FAM78B: variants seen among roughly 807,000 people sequenced by gnomAD.
The protein encoded by FAM78B is family with sequence similarity 78 member B, also known as protein FAM78B.
FAM78B carries 10 observed loss-of-function variants against 20.0 expected under a neutral mutation model. That is an observed-to-expected ratio of 0.50 (90% CI 0.31 to 0.85). The LOEUF (loss-of-function observed/expected upper bound fraction) is 0.85. FAM78B is among the 40% of genes least tolerant of loss of function. The probability of loss-of-function intolerance (pLI) is 0.05; values close to 1 mark genes in which losing one functional copy is unlikely to be tolerated. For missense variants in FAM78B, 283 were observed against 345.0 expected, an observed-to-expected ratio of 0.82 and a Z score of 1.42; for synonymous variants, 135 against 132.8, an observed-to-expected ratio of 1.02 and a Z score of -0.12.
Position 166,166,071 on chromosome 1 carries a change from TG to T in FAM78B, c.177del (p.Ile60SerfsTer37). The T allele has an allele frequency of 6.2e-7, 1 of 1,613,416 alleles. No homozygotes were observed. Among genetic ancestry groups the T allele is most frequent in the Non-Finnish European group, 8.5e-7 (1 of 1,179,860 alleles). On this transcript the variant is annotated frameshift_variant, in exon 1 of 2. Transcript: ENST00000354422. LOFTEE classifies it high-confidence loss of function. ...FKASARVVMP[P>X]IPRHETWVVG... is the part of the protein sequence containing the mutation. The stretch of plus-strand genomic sequence containing the variant: ...ACCACCCAGGTCTCGTGGCGGGGGA[TG>T]GGGGGCATGACCACGCGGGCGGAGG...
intron 1 of FAM78B, among the ~76,000 whole-genome samples, chr1:166,151,086 AGAG>A (rs1158240794): frequency 1.3e-5 from 2 of 152,230 alleles, no homozygotes; most frequent in Non-Finnish European, 2.9e-5. Flanking sequence ...GCTGGGTTAT[AGAG>A]GATGGCATCA....
At chr1:166,079,000 T>C (rs1026627806) in intron 1 of FAM78B, among the ~76,000 whole-genome samples, 1 of 149,186 alleles carries the variant, frequency 6.7e-6, no homozygotes, top group Non-Finnish European at 1.5e-5. Flanking sequence ...GGCACAATCA[T>C]AGCTCACTGC....
At chr1:166,087,880 A>G (rs1416169935) in intron 1 of FAM78B, among the ~76,000 whole-genome samples, 3 of 152,230 alleles carry the variant, frequency 2.0e-5, no homozygotes, top group Admixed American at 1.3e-4. Context: ...ACTAGCAGGC[A>G]TAAGCCGTAA....
intron 1 of FAM78B, among the ~76,000 whole-genome samples, chr1:166,114,072 T>C (rs1019700845): frequency 6.6e-6 from 1 of 152,216 alleles, no homozygotes; most frequent in African/African-American, 2.4e-5. Context: ...ATAAATCACA[T>C]AGACACCAAT....
At chr1:166,114,477 C>A (rs746343126) in intron 1 of FAM78B, among the ~76,000 whole-genome samples, 2 of 152,236 alleles carry the variant, frequency 1.3e-5, no homozygotes, top group Non-Finnish European at 2.9e-5. Context: ...GAATACTACA[C>A]TTCCCCCCAG....
chr1:166,060,527 G>A, exon 3 of FAM78B: 1 of 1,080,546 alleles, frequency 9.3e-7, no homozygotes, highest in East Asian at 5.9e-5. Flanking sequence ...GAGGTAGGCA[G>A]GATGGCACAC....
At chr1:166,146,558 C>A (rs1391694166) in intron 1 of FAM78B, among the ~76,000 whole-genome samples, 1 of 152,138 alleles carries the variant, frequency 6.6e-6, no homozygotes, top group Admixed American at 6.5e-5. Flanking sequence ...ACTCCAAGGT[C>A]AGAGCTCTAC....
chr1:166,069,562 GACGGA>G lies in FAM78B; in HGVS notation c.*674_*678del, dbSNP rs1557887223. 1 of 152,208 alleles carries G rather than the reference GACGGA, an allele frequency of 6.6e-6. No individual in the cohort carries two copies. Among genetic ancestry groups the G allele is most frequent in the Non-Finnish European group, 1.5e-5 (1 of 68,032 alleles). 9.4% of individuals were successfully genotyped at this position (152,208 alleles called of 1,614,324 possible). A position where few individuals can be genotyped will look rare whatever the true frequency, so the allele number is the denominator to read the frequency against. ...CAATCTTTTTGGAAAGAGGTGGGTA[GACGGA>G]ACTAATGAAGTGTTTCCGTTAGTTC... is the stretch of plus-strand genomic sequence containing the variant. On this transcript the variant is annotated 3_prime_UTR_variant, in exon 2 of 2. Coordinates refer to ENST00000354422, the MANE Select transcript of FAM78B (RefSeq NM_001017961.5).
In FAM78B at chr1:166,069,969, C is replaced by A; in HGVS notation, c.*272G>T. ...CAATAGTTCAGATAAAAGAATCATC[C>A]TGGTCAGCTCCAAAATATGGCTACT... On this transcript the variant is annotated 3_prime_UTR_variant, in exon 2 of 2. Transcript: ENST00000354422. The A allele has an allele frequency of 8.6e-7, 1 of 1,168,470 alleles. No individual in the cohort carries two copies. 72.4% of individuals were successfully genotyped at this position (1,168,470 alleles called of 1,614,324 possible). A position where few individuals can be genotyped will look rare whatever the true frequency, so the allele number is the denominator to read the frequency against.
chr1:166,127,762 G>A (rs541611589), intron 1 of FAM78B, among the ~76,000 whole-genome samples: 1 of 152,246 alleles, frequency 6.6e-6, no homozygotes, highest in East Asian at 1.9e-4. Flanking sequence ...CAGGCGGAGG[G>A]GGTGGATGCA....
intron 1 of FAM78B, among the ~76,000 whole-genome samples, chr1:166,157,031 GGC>G (rs1369620625): frequency 1.6e-4 from 4 of 24,908 alleles, no homozygotes; most frequent in East Asian, 1.4e-3. Flanking sequence ...TCAAGGGGGC[GGC>G]GGAGGGGGGG....
At chr1:166,057,310 G>A (rs1651388625), downstream of FAM78B, 1 of 152,182 alleles carries the variant, frequency 6.6e-6, no homozygotes, top group Non-Finnish European at 1.5e-5. Flanking sequence ...AGCTGGGCAG[G>A]ATTCCTGCAT....
At chr1:166,111,861 T>C (rs1250840645) in intron 1 of FAM78B, among the ~76,000 whole-genome samples, 2 of 152,242 alleles carry the variant, frequency 1.3e-5, no homozygotes, top group Admixed American at 6.5e-5. Flanking sequence ...CCAGAGGCTA[T>C]ACTTCATTGC....
intron 1 of FAM78B, among the ~76,000 whole-genome samples, chr1:166,141,328 T>G (rs1231121221): frequency 1.3e-5 from 2 of 152,214 alleles, no homozygotes; most frequent in African/African-American, 4.8e-5. Flanking sequence ...CACCAGAGGT[T>G]TGGGGACATA....
At chr1:166,060,326 G>A in exon 3 of FAM78B, 1 of 319,510 alleles carries the variant, frequency 3.1e-6, no homozygotes, top group Non-Finnish European at 6.2e-6. Flanking sequence ...TCACTTTGAG[G>A]GTTGGGGAAA....
downstream of FAM78B, among the ~76,000 whole-genome samples, chr1:166,056,048 C>T (rs940604963): frequency 6.6e-6 from 1 of 152,208 alleles, no homozygotes; most frequent in Non-Finnish European, 1.5e-5. Context: ...AATGTGTCTG[C>T]AAAGCTGCTT....
downstream of FAM78B, among the ~76,000 whole-genome samples, chr1:166,056,724 A>G (rs1651358176): frequency 2.0e-5 from 3 of 152,250 alleles, no homozygotes; most frequent in Admixed American, 6.5e-5. Flanking sequence ...CCAGGAAGAA[A>G]TGGTAGTACG....
rs558060189 is a variant in FAM78B at position 166,072,451 on chromosome 1, T to G, written c.264-1688A>C. ...ATGCAGAAAGTCAGAGAGAGCTCAT[T>G]TTGCTACATATGCTTTTGCAGCTGG... is the stretch of plus-strand genomic sequence containing the variant. On this transcript the variant is annotated intron_variant, in intron 1 of 1. Coordinates refer to ENST00000354422, the MANE Select transcript of FAM78B (RefSeq NM_001017961.5). Among the ~76,000 whole-genome samples, 6 of 152,304 alleles carry G rather than the reference T, an allele frequency of 3.9e-5. No homozygotes were observed. In the South Asian group the frequency reaches 1.2e-3, roughly 32 times the overall value.
chr1:166,100,398 G>C (rs1653462153), intron 1 of FAM78B, among the ~76,000 whole-genome samples: 1 of 152,218 alleles, frequency 6.6e-6, no homozygotes, highest in Non-Finnish European at 1.5e-5. Context: ...GCAAGGCATT[G>C]CCTCACCCAG....
Sources: allele counts gnomAD v4.1 joint callset (sites outside exome capture counted in the v4.1 genomes callset), GRCh38; gene constraint gnomAD v4.1.1; transcripts MANE v1.5; gene names NCBI Gene and HGNC (gene_info 2026-07-23, HGNC 2026-07-21).